The following DOCK8 variants were observed in gnomAD, a reference collection of about 807,000 sequenced individuals.
DOCK8 encodes the protein dedicator of cytokinesis 8, also known as dedicator of cytokinesis protein 8.
In DOCK8, 141 loss-of-function variants were observed where a neutral mutation model predicts 245.6. The observed-to-expected ratio is 0.57, with a 90% confidence interval of 0.50 to 0.66. The LOEUF (loss-of-function observed/expected upper bound fraction) is 0.66, where lower values mean the gene tolerates loss of function less well. DOCK8 is among the 30% of genes least tolerant of loss of function. DOCK8 has a pLI of 0.00. For missense variants in DOCK8, 2,965 were observed against 2,603.4 expected (o/e 1.14, Z -3.02); for synonymous variants, 1,168 against 970.2 (o/e 1.20, Z -3.79).
chr9:404,983 C>A lies in DOCK8; in HGVS notation c.3300C>A (p.Leu1100=). ...TGAGGCTAGAGTTCCTGAGAATCCT[C>A]TGTAGCCATGAGCATTACCTCAATC... ...ISMRLEFLRI[L]CSHEHYLNLN... is the part of the protein sequence containing the mutation. The change falls in exon 27 of 48, where the codon CTC becomes CTA. Residue 1100 remains leucine (L), a synonymous_variant. Transcript: ENST00000432829. 1 of 1,614,094 alleles carries A rather than the reference C, an allele frequency of 6.2e-7. No homozygotes were observed.
At chr9:280,131 A>C (rs574768323) in intron 2 of DOCK8, among the ~76,000 whole-genome samples, 1 of 152,324 alleles carries the variant, frequency 6.6e-6, no homozygotes, top group East Asian at 1.9e-4. Context: ...GGGCAAGGGA[A>C]ATCTCAAACT....
At chr9:397,910 T>C (rs1225271728) in intron 25 of DOCK8, among the ~76,000 whole-genome samples, 3 of 152,230 alleles carry the variant, frequency 2.0e-5, no homozygotes, top group African/African-American at 7.2e-5. Flanking sequence ...TTCTTGCACC[T>C]TTTCTGTAAG....
chr9:414,987 G>T, intron 29 of DOCK8, 36 bp downstream of exon 29: 1 of 1,611,448 alleles, frequency 6.2e-7, no homozygotes, highest in Non-Finnish European at 8.5e-7. Flanking sequence ...TGGATTGTTG[G>T]GGGCCCCTGC....
chr9:452,278 A>G (rs945065745), intron 46 of DOCK8, among the ~76,000 whole-genome samples, 161 bp downstream of exon 46: 47 of 152,138 alleles, frequency 3.1e-4, no homozygotes, highest in African/African-American at 8.7e-4. Flanking sequence ...TGGCTCAGCA[A>G]TGTGCAGTTT....
chr9:408,798 C>G (rs889786290), intron 28 of DOCK8, among the ~76,000 whole-genome samples: 1 of 152,026 alleles, frequency 6.6e-6, no homozygotes, highest in Non-Finnish European at 1.5e-5. Flanking sequence ...TTACTAGCAA[C>G]AAGGTAGAGT....
intron 29 of DOCK8, among the ~76,000 whole-genome samples, chr9:416,782 A>G (rs1434782512): frequency 1.3e-5 from 2 of 152,226 alleles, no homozygotes; most frequent in Non-Finnish European, 2.9e-5. Flanking sequence ...GGTTTACGAT[A>G]AAGGTGAAAC....
At position 339,058 on chromosome 9, in the gene DOCK8, A is replaced by G. The variant is rs747740764; in HGVS notation, c.1475A>G (p.Lys492Arg). The G allele has an allele frequency of 3.0e-5, 49 of 1,614,032 alleles. No homozygotes were observed. The highest frequency in any genetic ancestry group is 5.3e-5 in the African/African-American group (4 of 74,958). Residue 492 changes from lysine (K) to arginine (R), a missense_variant, in exon 13 of 48, where the codon AAA (lysine) becomes AGA (arginine). Coordinates refer to ENST00000432829, the MANE Select transcript of DOCK8 (RefSeq NM_203447.4). ...EDLFKFLADY[K>R]RSSSLQRRVK... ...TTATTCAAGTTTTTAGCTGACTACA[A>G]AAGATCATCATCCTTACAGAGACGA...
At chr9:244,752 A>G (rs1563836066) in intron 1 of DOCK8, among the ~76,000 whole-genome samples, 1 of 152,140 alleles carries the variant, frequency 6.6e-6, no homozygotes, top group Non-Finnish European at 1.5e-5. Flanking sequence ...GTTTCCTCCC[A>G]GTTGTGGAGG....
rs1410479889 is a variant in DOCK8, at chr9:225,982, A to T, written c.53+10953A>T. 2.0e-5 allele frequency among the ~76,000 whole-genome samples: 3 copies of T among 152,234 alleles called. 1 individual carries two copies. The stretch of plus-strand genomic sequence containing the variant: ...GAGCTGAAGAGGGAAGTTAGCAAAG[A>T]ACGAATCACATAAAAGCCTTAAAGG... On this transcript the variant is annotated intron_variant, in intron 1 of 47. Transcript: ENST00000432829.
chr9:224,213 T>C (rs1485347141), intron 1 of DOCK8, among the ~76,000 whole-genome samples: 3 of 152,186 alleles, frequency 2.0e-5, no homozygotes, highest in Non-Finnish European at 4.4e-5. Flanking sequence ...TACTCCTTAA[T>C]ATTATAACCA....
At chr9:216,725 T>G (rs554721423) in intron 1 of DOCK8, among the ~76,000 whole-genome samples, 1 of 152,170 alleles carries the variant, frequency 6.6e-6, no homozygotes, top group East Asian at 1.9e-4. Context: ...ATCCTCTGTC[T>G]TTGTGAATTT....
At chr9:307,099 C>T (rs1320231499) in intron 5 of DOCK8, among the ~76,000 whole-genome samples, 2 of 152,008 alleles carry the variant, frequency 1.3e-5, no homozygotes, top group Non-Finnish European at 2.9e-5. Flanking sequence ...GGAGCCAGGC[C>T]CTTTGACCTC....
chr9:353,591 A>G (rs1190471847), intron 14 of DOCK8, among the ~76,000 whole-genome samples: 1 of 152,134 alleles, frequency 6.6e-6, no homozygotes, highest in African/African-American at 2.4e-5. Flanking sequence ...AAAGCCTGGG[A>G]AAAATGTGCT....
intron 44 of DOCK8, among the ~76,000 whole-genome samples, chr9:448,604 G>A (rs1564081100): frequency 6.6e-6 from 1 of 152,248 alleles, no homozygotes; most frequent in South Asian, 2.1e-4. Flanking sequence ...GTGAGGAAAG[G>A]GTCTGTTCCA....
At chr9:417,427 T>C (rs770246926) in intron 29 of DOCK8, among the ~76,000 whole-genome samples, 23 of 152,224 alleles carry the variant, frequency 1.5e-4, no homozygotes, top group Non-Finnish European at 2.9e-4. Flanking sequence ...ACATGAATTT[T>C]TAGGAAAACA....
chr9:411,067 G>T (rs907891346), intron 28 of DOCK8, among the ~76,000 whole-genome samples: 1 of 152,146 alleles, frequency 6.6e-6, no homozygotes, highest in Admixed American at 6.5e-5. Context: ...GAAGTAAAAA[G>T]ATTGAGTTAG....
intron 2 of DOCK8, among the ~76,000 whole-genome samples, chr9:277,489 GACATACAAAA>G (rs2048403843): frequency 2.9e-5 from 4 of 135,760 alleles, no homozygotes; most frequent in South Asian, 2.2e-4. Context: ...GAGAAGAGAA[GACATACAAAA>G]GAAGAGTAAC....
chr9:302,186 A>G (rs2049585041), intron 4 of DOCK8, among the ~76,000 whole-genome samples: 1 of 152,226 alleles, frequency 6.6e-6, no homozygotes, highest in Non-Finnish European at 1.5e-5. Flanking sequence ...AGAACCAGAA[A>G]TAAAGCTGCA....
intron 4 of DOCK8, among the ~76,000 whole-genome samples, chr9:290,981 C>A (rs1257329732): frequency 6.6e-6 from 1 of 152,124 alleles, no homozygotes; most frequent in African/African-American, 2.4e-5. Context: ...AAGTTAGATG[C>A]CAATCCATCA....
Sources: allele counts gnomAD v4.1 joint callset (sites outside exome capture counted in the v4.1 genomes callset), GRCh38; gene constraint gnomAD v4.1.1; transcripts MANE v1.5; gene names NCBI Gene and HGNC (gene_info 2026-07-23, HGNC 2026-07-21).